OCA2: variants seen among roughly 807,000 people sequenced by gnomAD.
OCA2 encodes P protein.
In OCA2, 77 loss-of-function variants were observed where a neutral mutation model predicts 100.2. The ratio of observed to expected loss-of-function variants is 0.77; its 90% CI spans 0.64 to 0.93. The LOEUF (loss-of-function observed/expected upper bound fraction) is 0.93. OCA2 is among the 40% of genes least tolerant of loss of function. OCA2 has a pLI of 0.00. For missense variants in OCA2, 1,062 were observed against 1,089.1 expected (o/e 0.98, Z 0.35); for synonymous variants, 432 against 439.2 (o/e 0.98, Z 0.21).
chr15:27,878,464 G>A (rs1595563380), intron 19 of OCA2, among the ~76,000 whole-genome samples: 1 of 152,126 alleles, frequency 6.6e-6, no homozygotes, highest in East Asian at 1.9e-4. Flanking sequence ...ATTCCTGAAG[G>A]ATTATTTTGC....
At chr15:27,722,028 C>T in the OCA2 span, among the ~76,000 whole-genome samples, 1 of 152,158 alleles carries the variant, frequency 6.6e-6, no homozygotes, top group African/African-American at 2.4e-5. Flanking sequence ...TTTCACCAGC[C>T]CTTTCAACTT....
At chr15:27,956,258 A>G (rs1595714595) in intron 16 of OCA2, among the ~76,000 whole-genome samples, 1 of 152,200 alleles carries the variant, frequency 6.6e-6, no homozygotes, top group Non-Finnish European at 1.5e-5. Context: ...CTGAGGCAGG[A>G]GAATCACTTG....
chr15:27,978,392 G>C (rs1378340914), intron 14 of OCA2, among the ~76,000 whole-genome samples: 6 of 152,110 alleles, frequency 3.9e-5, no homozygotes, highest in Non-Finnish European at 7.4e-5. Context: ...GAATTGTACT[G>C]AACTCTCCAA....
intron 18 of OCA2, among the ~76,000 whole-genome samples, chr15:27,935,225 A>AT (rs1178217777): frequency 1.6e-4 from 25 of 152,334 alleles, no homozygotes; most frequent in African/African-American, 6.0e-4. Context: ...ATGAATACAG[A>AT]TAAAAAGTAC....
intron 18 of OCA2, among the ~76,000 whole-genome samples, chr15:27,936,822 A>G (rs775365041): frequency 6.6e-6 from 1 of 152,224 alleles, no homozygotes; most frequent in Non-Finnish European, 1.5e-5. Context: ...GCTTCCATTC[A>G]ACACCTGGAA....
chr15:27,991,589 G>T (rs1040198022), intron 9 of OCA2, among the ~76,000 whole-genome samples: 1 of 152,132 alleles, frequency 6.6e-6, no homozygotes, highest in African/African-American at 2.4e-5. Context: ...GACTGGAAAC[G>T]GGTCCCAGGG....
intron 7 of OCA2, 57 bp from the exon 8 acceptor site, chr15:28,016,243 G>A: frequency 1.6e-6 from 2 of 1,284,608 alleles, no homozygotes; most frequent in Non-Finnish European, 1.1e-6. Flanking sequence ...CACCATCTGG[G>A]ATCTGGCACT....
chr15:27,765,153 C>T (rs186536853), intron 23 of OCA2, among the ~76,000 whole-genome samples: 31 of 152,150 alleles, frequency 2.0e-4, no homozygotes, highest in African/African-American at 7.0e-4. Context: ...CCAGGTCTCA[C>T]GGACGCAGGC....
Position 27,985,202 on chromosome 15 carries a change from C to G in OCA2, c.1240-14G>C. ...GAGCCGGTATGCCTGGCCACACACA[C>G]ACAGAGAGAGTACAAGCCAGAGTGA... On this transcript the variant is annotated splice_polypyrimidine_tract_variant and intron_variant, in intron 12 of 23. Transcript: ENST00000354638. The G allele has an allele frequency of 1.2e-6, 2 of 1,613,570 alleles. No homozygotes were observed. The highest frequency in any genetic ancestry group is 8.5e-7 in the Non-Finnish European group (1 of 1,179,962).
intron 5 of OCA2, among the ~76,000 whole-genome samples, chr15:28,023,620 G>T (rs535858666): frequency 1.3e-5 from 2 of 152,036 alleles, no homozygotes; most frequent in South Asian, 2.1e-4. Flanking sequence ...ACCCACCCTT[G>T]CCCACAACCA....
At chr15:27,873,285 C>A (rs1311036294) in intron 19 of OCA2, among the ~76,000 whole-genome samples, 1 of 152,194 alleles carries the variant, frequency 6.6e-6, no homozygotes, top group Non-Finnish European at 1.5e-5. Flanking sequence ...ACCTCACCAA[C>A]ACCAGTGTGA....
At chr15:27,868,223 G>A (rs2036401356) in intron 21 of OCA2, among the ~76,000 whole-genome samples, 1 of 152,204 alleles carries the variant, frequency 6.6e-6, no homozygotes, top group South Asian at 2.1e-4. Context: ...ACCACCTGCA[G>A]CGGAAATCAG....
chr15:27,957,479 C>T lies in OCA2; in HGVS notation c.1784+109G>A, dbSNP rs12439067. The stretch of plus-strand genomic sequence containing the variant: ...ACTATAAGAGGCTTAGCACAGTGTG[C>T]GTCACCTAAATATCACGTATTAGTA... On this transcript the variant is annotated intron_variant, in intron 16 of 23. Transcript: ENST00000354638. The surrounding 1 kb of genome is among the most constrained non-coding windows in gnomAD (Gnocchi z 4.3). 15 of 1,291,040 alleles carry T rather than the reference C, an allele frequency of 1.2e-5. No homozygotes were observed. In the Admixed American group the frequency reaches 1.7e-4, roughly 15 times the overall value. 80.0% of individuals were successfully genotyped at this position (1,291,040 alleles called of 1,614,324 possible).
chr15:27,970,305 C>A lies in OCA2; in HGVS notation c.1504-3483G>T, dbSNP rs931402033. Among the ~76,000 whole-genome samples the A allele has an allele frequency of 2.0e-4, 31 of 151,268 alleles. 1 individual carries two copies. The highest frequency in any genetic ancestry group is 5.8e-4 in the African/African-American group (24 of 41,340). On this transcript the variant is annotated intron_variant, in intron 14 of 23. Coordinates refer to ENST00000354638, the MANE Select transcript of OCA2 (RefSeq NM_000275.3). ...GGAAACCAACAAACCAAAAAAAAAACCCCATAAAGGAAATTCAGAGGGGGC... is the reference window on the plus strand; with the variant it reads ...GGAAACCAACAAACCAAAAAAAAAAACCCATAAAGGAAATTCAGAGGGGGC...
intron 19 of OCA2, among the ~76,000 whole-genome samples, chr15:27,919,238 G>A (rs1241692702): frequency 6.6e-6 from 1 of 152,140 alleles, no homozygotes; most frequent in African/African-American, 2.4e-5. Context: ...GCTCTAGGTG[G>A]TGCAATTATC....
At chr15:27,739,071 C>G in the OCA2 span, among the ~76,000 whole-genome samples, 177 of 152,308 alleles carry the variant, frequency 1.2e-3, 1 homozygote, top group Middle Eastern at 0.031. Context: ...TCGCCAGCGT[C>G]TTCTAGCACA....
intron 21 of OCA2, among the ~76,000 whole-genome samples, chr15:27,856,885 T>G (rs1219305176): frequency 6.6e-6 from 1 of 152,158 alleles, no homozygotes; most frequent in Non-Finnish European, 1.5e-5. Flanking sequence ...CAAGCAAGAC[T>G]CAGCAATGTC....
chr15:27,963,288 T>C (rs7165923), intron 15 of OCA2, among the ~76,000 whole-genome samples: 36,399 of 152,092 alleles, frequency 0.24, 6,313 homozygotes, highest in East Asian at 0.85. Context: ...ACCTAAGCTA[T>C]ATAATTGACA....
intron 9 of OCA2, among the ~76,000 whole-genome samples, chr15:28,011,361 G>A (rs1040688164): frequency 3.9e-5 from 6 of 152,048 alleles, no homozygotes; most frequent in African/African-American, 7.2e-5. Flanking sequence ...CCAGCTACTC[G>A]GGAGACCGAG....
Sources: gnomAD v4.1 joint callset for allele counts (sites outside exome capture counted in the v4.1 genomes callset) on GRCh38, gnomAD v4.1.1 for gene constraint, Gnocchi (gnomAD v3.1) non-coding constraint, MANE v1.5 for transcripts, NCBI Gene and HGNC (gene_info 2026-07-23, HGNC 2026-07-21) for gene names.